The following ALDH18A1 variants were observed in gnomAD, a reference collection of about 807,000 sequenced individuals.
ALDH18A1 encodes aldehyde dehydrogenase 18 family member A1.
ALDH18A1 carries 44 observed loss-of-function variants against 88.8 expected under a neutral mutation model. That is an observed-to-expected ratio of 0.50 (90% confidence interval 0.39 to 0.64). ALDH18A1 has a LOEUF of 0.64. ALDH18A1 is among the 30% of genes least tolerant of loss of function. The probability of loss-of-function intolerance (pLI) is 0.00; values close to 1 mark genes in which losing one functional copy is unlikely to be tolerated. For missense variants in ALDH18A1, 782 were observed against 1,009.5 expected (o/e 0.77, Z 3.05); for synonymous variants, 331 against 372.1 (o/e 0.89, Z 1.27).
intron 15 of ALDH18A1, among the ~76,000 whole-genome samples, chr10:95,613,220 G>T (rs10882642): frequency 6.6e-6 from 1 of 152,086 alleles, no homozygotes; most frequent in African/African-American, 2.4e-5. Context: ...CTGGCTTTTG[G>T]TTTGTTTACA....
intron 17 of ALDH18A1, among the ~76,000 whole-genome samples, chr10:95,607,366 T>G (rs1021092519): frequency 2.6e-4 from 40 of 152,186 alleles, no homozygotes; most frequent in African/African-American, 9.2e-4. Flanking sequence ...GTTTGTGGTA[T>G]CCCCTAGAAG....
intron 12 of ALDH18A1, 89 bp from the exon 13 acceptor site, chr10:95,616,703 T>C: frequency 1.3e-6 from 2 of 1,498,600 alleles, no homozygotes; most frequent in African/African-American, 1.4e-5. Context: ...CCTTCTGTGC[T>C]AAGCACTGTG....
chr10:95,645,199 T>C (rs2097899190), intron 2 of ALDH18A1, among the ~76,000 whole-genome samples: 1 of 152,162 alleles, frequency 6.6e-6, no homozygotes, highest in South Asian at 2.1e-4. Context: ...ACAAGGTGGG[T>C]AACATAGGTT....
In ALDH18A1 at chr10:95,606,487, A is replaced by G. The variant is rs765182823; in HGVS notation, c.*275T>C. The G allele has an allele frequency of 1.3e-5, 17 of 1,294,898 alleles. No individual in the cohort carries two copies. The highest frequency in any genetic ancestry group is 1.7e-5 in the Non-Finnish European group (17 of 1,014,420). The allele number at this position is 1,294,898 out of a possible 1,614,324, so 80.2% of individuals were successfully genotyped here. A position where few individuals can be genotyped will look rare whatever the true frequency, so the allele number is the denominator to read the frequency against. ...TTTTCCTCGCCTTTTTTATGGGGAA[A>G]ATGCACCTTTCAATCCTAGAAGATA... On this transcript the variant is annotated 3_prime_UTR_variant, in exon 18 of 18. Transcript: ENST00000371224.
chr10:95,628,430 C>G lies in ALDH18A1; in HGVS notation c.871G>C (p.Asp291His). Residue 291 changes from aspartate to histidine, a missense_variant, in exon 8 of 18, where the codon GAT becomes CAT. Transcript: ENST00000371224. ...GTTCCAAATGTCACAGACTGCTGAT[C>G]TCCGGGATAAAATATATCAATAAGC... ...AKLIDIFYPG[D>H]QQSVTFGTKS... The G allele has an allele frequency of 6.2e-7, 1 of 1,614,128 alleles. No individual in the cohort carries two copies. Among genetic ancestry groups the G allele is most frequent in the Non-Finnish European group, 8.5e-7 (1 of 1,179,992 alleles).
chr10:95,630,118 C>CG (rs988795448), intron 7 of ALDH18A1, among the ~76,000 whole-genome samples: 1 of 82,934 alleles, frequency 1.2e-5, no homozygotes, highest in Non-Finnish European at 3.0e-5. Context: ...CTTCTTTCCC[C>CG]CCCCTCTCCC....
chr10:95,613,992 G>C lies in ALDH18A1; in HGVS notation c.1775C>G (p.Ala592Gly). 1 of 1,614,152 alleles carries C rather than the reference G, an allele frequency of 6.2e-7. No individual in the cohort carries two copies. The highest frequency in any genetic ancestry group is 8.5e-7 in the Non-Finnish European group (1 of 1,180,032). ...TAGCCTGGTGACCTTATCAACACTG[G>C]CCTCGGAATCCACATACATGTGACA... ...GICHMYVDSE[A>G]SVDKVTRLVR... The change falls in exon 14 of 18, where the codon GCC (alanine) becomes GGC (glycine). Residue 592 changes from alanine (A) to glycine (G), a missense_variant. Around this residue, in one of 3 missense-constraint regions of ALDH18A1, gnomAD observed 556 missense variants for 654.5 expected, o/e 0.85. Coordinates refer to ENST00000371224, the MANE Select transcript of ALDH18A1 (RefSeq NM_002860.4).
chr10:95,621,272 T>C, intron 11 of ALDH18A1, 21 bp from the exon 12 acceptor site: 1 of 1,599,898 alleles, frequency 6.3e-7, no homozygotes, highest in Admixed American at 1.7e-5. Flanking sequence ...ATTAAGAGGA[T>C]ATGATAAAGT....
intron 13 of ALDH18A1, among the ~76,000 whole-genome samples, chr10:95,614,951 A>G (rs373701670): frequency 7.9e-5 from 12 of 152,340 alleles, no homozygotes; most frequent in African/African-American, 2.9e-4. Context: ...AGATGCAACA[A>G]TGGGAATGAA....
intron 2 of ALDH18A1, among the ~76,000 whole-genome samples, chr10:95,651,839 T>C (rs954445729): frequency 2.6e-5 from 4 of 152,152 alleles, no homozygotes; most frequent in Admixed American, 6.5e-5. Flanking sequence ...AAACTAAACA[T>C]GTAGCTACAA....
intron 1 of ALDH18A1, among the ~76,000 whole-genome samples, chr10:95,655,022 T>C (rs2097915648): frequency 6.6e-6 from 1 of 152,146 alleles, no homozygotes; most frequent in Non-Finnish European, 1.5e-5. Flanking sequence ...AACTTTCCAT[T>C]GACAATATGG....
chr10:95,631,901 T>C (rs781744593), intron 7 of ALDH18A1, among the ~76,000 whole-genome samples: 1 of 152,132 alleles, frequency 6.6e-6, no homozygotes, highest in Non-Finnish European at 1.5e-5. Context: ...AGAGTTACCA[T>C]ATGACCCTGC....
chr10:95,631,875 C>T (rs2097870553), intron 7 of ALDH18A1, among the ~76,000 whole-genome samples: 1 of 151,820 alleles, frequency 6.6e-6, no homozygotes, highest in Non-Finnish European at 1.5e-5. Context: ...AGTAGCTCCT[C>T]AAAAGTCTTT....
rs2097913241 is a variant in ALDH18A1, at chr10:95,653,286, A to T, written c.88+4T>A. 6.2e-7 allele frequency: 1 copy of T among 1,609,216 alleles called. No individual in the cohort carries two copies. Among genetic ancestry groups the T allele is most frequent in the Non-Finnish European group, 8.5e-7 (1 of 1,176,746 alleles). ...CATACTCATAAGTTTTCTATGGTAC[A>T]TACGAGATCTGAAGACGGTTGTACA... On this transcript the variant is annotated splice_donor_region_variant and intron_variant, in intron 2 of 17. Transcript: ENST00000371224.
intron 11 of ALDH18A1, among the ~76,000 whole-genome samples, chr10:95,623,984 A>G (rs1425961383): frequency 6.6e-6 from 1 of 152,136 alleles, no homozygotes; most frequent in African/African-American, 2.4e-5. Context: ...TACAGGCATG[A>G]GCCACTGCGC....
At chr10:95,640,863 T>C (rs558793141) in intron 3 of ALDH18A1, among the ~76,000 whole-genome samples, 1 of 152,328 alleles carries the variant, frequency 6.6e-6, no homozygotes, top group African/African-American at 2.4e-5. Flanking sequence ...TTCTCCTCCG[T>C]TCAAAATCTT....
intron 3 of ALDH18A1, 131 bp from the exon 4 acceptor site, chr10:95,637,567 C>T: frequency 3.6e-6 from 4 of 1,098,664 alleles, no homozygotes; most frequent in Non-Finnish European, 5.3e-6. Flanking sequence ...ATGTGGCTGG[C>T]TCTGGAAGAA....
At chr10:95,609,284 C>T (rs899803675) in intron 17 of ALDH18A1, among the ~76,000 whole-genome samples, 2 of 152,242 alleles carry the variant, frequency 1.3e-5, no homozygotes, top group African/African-American at 4.8e-5. Context: ...AAGTGCCCTT[C>T]TGAAGCTTTT....
chr10:95,610,865 C>T (rs1414177974), intron 16 of ALDH18A1, among the ~76,000 whole-genome samples: 1 of 152,216 alleles, frequency 6.6e-6, no homozygotes, highest in Non-Finnish European at 1.5e-5. Flanking sequence ...CAGTATCTGA[C>T]ACCCAGGAGT....
Sources: gnomAD v4.1 joint callset for allele counts (sites outside exome capture counted in the v4.1 genomes callset) on GRCh38, gnomAD v4.1.1 for gene constraint, gnomAD v4.1.1 regional missense constraint, MANE v1.5 for transcripts, NCBI Gene and HGNC (gene_info 2026-07-23, HGNC 2026-07-21) for gene names.